LEFTY2: variants seen among roughly 807,000 people sequenced by gnomAD.
LEFTY2 encodes the protein TGF-beta-4.
In LEFTY2, 10 loss-of-function variants were observed where a neutral mutation model predicts 26.4. That is an observed-to-expected ratio of 0.38 (90% CI 0.23 to 0.64). LEFTY2 has a LOEUF of 0.64. Ranked by LOEUF, LEFTY2 falls within the 30% of genes least tolerant of loss-of-function variation. LEFTY2 has a pLI of 0.56. For missense variants in LEFTY2, 407 were observed against 502.1 expected (o/e 0.81, Z 1.81); for synonymous variants, 204 against 234.1 (o/e 0.87, Z 1.17).
Position 225,939,958 on chromosome 1 carries a change from G to C in LEFTY2, c.295C>G (p.Leu99Val). 1 of 1,595,210 alleles carries C rather than the reference G, an allele frequency of 6.3e-7. No individual in the cohort carries two copies. The highest frequency in any genetic ancestry group is 8.5e-7 in the Non-Finnish European group (1 of 1,179,454). Reference sequence around the variant, plus strand: ...AGCCGCTGCTCCATGCCGAACACCAGCAGGTGTGTGCTGGCCTCCGACGCC... The same window carrying C: ...AGCCGCTGCTCCATGCCGAACACCACCAGGTGTGTGCTGGCCTCCGACGCC... ...FLASEASTHL[L>V]VFGMEQRLPP... Residue 99 changes from leucine to valine, a missense_variant, in exon 2 of 4, where the codon CTG becomes GTG. Coordinates refer to ENST00000366820, the MANE Select transcript of LEFTY2 (RefSeq NM_003240.5). This position sits in a 1 kb window ranked among gnomAD's most constrained non-coding sequence, Gnocchi z 4.1.
chr1:225,939,708 G>T lies in LEFTY2; in HGVS notation c.497+48C>A, dbSNP rs1404215658. ...CCCCTGCGTCCCCGCCCCCAAGCCG[G>T]GCCGAGCAGCCTCCTACTCCTGCCC... is the stretch of plus-strand genomic sequence containing the variant. On this transcript the variant is annotated intron_variant, in intron 2 of 3. Coordinates refer to ENST00000366820, the MANE Select transcript of LEFTY2 (RefSeq NM_003240.5). The surrounding 1 kb of genome is among the most constrained non-coding windows in gnomAD (Gnocchi z 4.1). 1 of 1,607,464 alleles carries T rather than the reference G, an allele frequency of 6.2e-7. No individual in the cohort carries two copies. The highest frequency in any genetic ancestry group is 1.7e-5 in the Admixed American group (1 of 59,542).
In LEFTY2 at chr1:225,937,180, T is replaced by C. The variant is rs1177564434; in HGVS notation, c.*261A>G. On this transcript the variant is annotated 3_prime_UTR_variant, in exon 4 of 4. Transcript: ENST00000366820. ...ACAGAAACTCCCAGCTGAAAATGTG[T>C]GCATTGCTCAGCTGTATCTTGTAAT... 1 of 585,040 alleles carries C rather than the reference T, an allele frequency of 1.7e-6. No individual in the cohort carries two copies. Among genetic ancestry groups the C allele is most frequent in the African/African-American group, 1.9e-5 (1 of 53,576 alleles). The allele number at this position is 585,040 out of a possible 1,614,324, so 36.2% of individuals were successfully genotyped here.
rs746119741 is a variant in LEFTY2, at chr1:225,939,723, T to TA, written c.497+32dup. On this transcript the variant is annotated intron_variant, in intron 2 of 3. Transcript: ENST00000366820. This position sits in a 1 kb window ranked among gnomAD's most constrained non-coding sequence, Gnocchi z 4.1. ...CCCCAAGCCGGGCCGAGCAGCCTCC[T>TA]ACTCCTGCCCTGCGCGCCCGCGCGA... The TA allele has an allele frequency of 1.6e-5, 26 of 1,605,972 alleles. No homozygotes were observed. The Admixed American group carries it at 4.2e-4, about 26-fold the overall frequency.
In LEFTY2 at chr1:225,939,218, C is replaced by A. The variant is rs757708731; in HGVS notation, c.737+143G>T. Reference sequence around the variant, plus strand: ...GAAACCCTGACATGTAGTGGGCAATCGCTGGCATCCTGGGACAGTCTGCAC... The same window carrying A: ...GAAACCCTGACATGTAGTGGGCAATAGCTGGCATCCTGGGACAGTCTGCAC... On this transcript the variant is annotated intron_variant, in intron 3 of 3. Transcript: ENST00000366820. The surrounding 1 kb of genome is among the most constrained non-coding windows in gnomAD (Gnocchi z 4.1). The A allele has an allele frequency of 7.5e-7, 1 of 1,327,004 alleles. No homozygotes were observed. The highest frequency in any genetic ancestry group is 1.3e-5 in the South Asian group (1 of 76,520). 82.2% of individuals were successfully genotyped at this position (1,327,004 alleles called of 1,614,324 possible).
At position 225,939,953 on chromosome 1, in the gene LEFTY2, C is replaced by T. The variant is rs772171590; in HGVS notation, c.300G>A (p.Val100=). Residue 100 remains valine, a synonymous_variant, in exon 2 of 4, where the codon GTG becomes GTA. Coordinates refer to ENST00000366820, the MANE Select transcript of LEFTY2 (RefSeq NM_003240.5). This position sits in a 1 kb window ranked among gnomAD's most constrained non-coding sequence, Gnocchi z 4.1. The stretch of plus-strand genomic sequence containing the variant: ...GCGGCAGCCGCTGCTCCATGCCGAA[C>T]ACCAGCAGGTGTGTGCTGGCCTCCG... ...LASEASTHLL[V]FGMEQRLPPN... The T allele has an allele frequency of 3.8e-6, 6 of 1,594,852 alleles. No homozygotes were observed. Among genetic ancestry groups the T allele is most frequent in the Non-Finnish European group, 5.1e-6 (6 of 1,179,370 alleles).
rs1240986908 is a variant in LEFTY2 at position 225,939,719 on chromosome 1, C to T, written c.497+37G>A. The stretch of plus-strand genomic sequence containing the variant: ...CCGCCCCCAAGCCGGGCCGAGCAGC[C>T]TCCTACTCCTGCCCTGCGCGCCCGC... On this transcript the variant is annotated intron_variant, in intron 2 of 3. Transcript: ENST00000366820. The surrounding 1 kb of genome is among the most constrained non-coding windows in gnomAD (Gnocchi z 4.1). 3 of 1,606,630 alleles carry T rather than the reference C, an allele frequency of 1.9e-6. No homozygotes were observed. Among genetic ancestry groups the T allele is most frequent in the Non-Finnish European group, 1.7e-6 (2 of 1,177,880 alleles).
At position 225,937,635 on chromosome 1, in the gene LEFTY2, C is replaced by A; in HGVS notation, c.907G>T (p.Ala303Ser). 1.2e-6 allele frequency: 2 copies of A among 1,614,128 alleles called. No individual in the cohort carries two copies. Among genetic ancestry groups the A allele is most frequent in the Non-Finnish European group, 1.7e-6 (2 of 1,180,044 alleles). ...AGAAATGGCCAATTGAAGGCCAGGG[C>A]CTCCGGGGGCTGCTGGCAGGTGCCC... Reference protein sequence around the residue: ...CVGTCQQPPEALAFNWPFLGP... With the variant: ...CVGTCQQPPESLAFNWPFLGP... Residue 303 changes from alanine to serine, a missense_variant, in exon 4 of 4, where the codon GCC (alanine) becomes TCC (serine). Transcript: ENST00000366820.
rs556638667 is a variant in LEFTY2 at position 225,939,191 on chromosome 1, T to C, written c.737+170A>G. Among the ~76,000 whole-genome samples the C allele has an allele frequency of 6.6e-6, 1 of 152,274 alleles. No individual in the cohort carries two copies. Among genetic ancestry groups the C allele is most frequent in the South Asian group, 2.1e-4 (1 of 4,822 alleles). The stretch of plus-strand genomic sequence containing the variant: ...TGGCCAACAATACAATTTCTGCCAT[T>C]AGAAACCCTGACATGTAGTGGGCAA... On this transcript the variant is annotated intron_variant, in intron 3 of 3. Coordinates refer to ENST00000366820, the MANE Select transcript of LEFTY2 (RefSeq NM_003240.5). The surrounding 1 kb of genome is among the most constrained non-coding windows in gnomAD (Gnocchi z 4.1).
chr1:225,939,394 A>G lies in LEFTY2; in HGVS notation c.704T>C (p.Leu235Pro), dbSNP rs367724399. 5.0e-6 allele frequency: 8 copies of G among 1,613,506 alleles called. No homozygotes were observed. Among genetic ancestry groups the G allele is most frequent in the Non-Finnish European group, 6.8e-6 (8 of 1,179,820 alleles). Residue 235 changes from leucine (L) to proline (P), a missense_variant, in exon 3 of 4, where the codon CTG (leucine) becomes CCG (proline). Coordinates refer to ENST00000366820, the MANE Select transcript of LEFTY2 (RefSeq NM_003240.5). The surrounding 1 kb of genome is among the most constrained non-coding windows in gnomAD (Gnocchi z 4.1). ...GAPAGLGEPQ[L>P]ELHTLDLRDY... ...CCTGAGGTCCAGGGTGTGCAGCTCC[A>G]GCTGGGGCTCCCCAAGCCCGGCTGG...
rs2102683275 is a variant in LEFTY2 at position 225,939,800 on chromosome 1, G to A, written c.453C>T (p.Arg151=). 2 of 1,563,580 alleles carry A rather than the reference G, an allele frequency of 1.3e-6. No homozygotes were observed. Among genetic ancestry groups the A allele is most frequent in the Admixed American group, 1.9e-5 (1 of 52,768 alleles). ...TGCGGTTGGAGCCGTCGTCGCGGAC[G>A]CGCAGCCACTCGACGGTCACCCGGG... ...AQARVTVEWL[R]VRDDGSNRTS... Residue 151 remains arginine (R), a synonymous_variant, in exon 2 of 4, where the codon CGC becomes CGT. Coordinates refer to ENST00000366820, the MANE Select transcript of LEFTY2 (RefSeq NM_003240.5). This position sits in a 1 kb window ranked among gnomAD's most constrained non-coding sequence, Gnocchi z 4.1.
In LEFTY2 at chr1:225,937,673, G is replaced by A. The variant is rs968445961; in HGVS notation, c.869C>T (p.Ala290Val). The A allele has an allele frequency of 1.2e-5, 20 of 1,613,930 alleles. No homozygotes were observed. Among genetic ancestry groups the A allele is most frequent in the Non-Finnish European group, 1.7e-5 (20 of 1,179,944 alleles). The part of the protein sequence containing the change: ...NWVLEPPGFL[A>V]YECVGTCQQP... ...CTGGCAGGTGCCCACACACTCGTAA[G>A]CCAGGAAGCCCGGGGGCTCCAGCAC... The change falls in exon 4 of 4, where the codon GCT (alanine) becomes GTT (valine). Residue 290 changes from alanine (A) to valine (V), a missense_variant. Physicochemically the swap from Ala to Val is moderately conservative, Grantham distance 64. Coordinates refer to ENST00000366820, the MANE Select transcript of LEFTY2 (RefSeq NM_003240.5).
At chr1:225,938,902 C>G (rs1339092005) in intron 3 of LEFTY2, among the ~76,000 whole-genome samples, 2 of 126,910 alleles carry the variant, frequency 1.6e-5, no homozygotes, top group African/African-American at 6.0e-5. Context: ...GAATCACGCT[C>G]TGTCCTCCAG....
chr1:225,937,602 G>C lies in LEFTY2; in HGVS notation c.940C>G (p.Arg314Gly). 6.2e-7 allele frequency: 1 copy of C among 1,614,112 alleles called. No individual in the cohort carries two copies. Among genetic ancestry groups the C allele is most frequent in the Non-Finnish European group, 8.5e-7 (1 of 1,180,044 alleles). Residue 314 changes from arginine to glycine, a missense_variant, in exon 4 of 4, where the codon CGA becomes GGA. Coordinates refer to ENST00000366820, the MANE Select transcript of LEFTY2 (RefSeq NM_003240.5). ...LAFNWPFLGP[R>G]QCIASETASL... ...GCAGTCTCCGAGGCGATACACTGTC[G>C]CGGCCCCAGAAATGGCCAATTGAAG...
In LEFTY2 at chr1:225,937,854, C is replaced by T. The variant is rs367895949; in HGVS notation, c.738-50G>A. The T allele has an allele frequency of 2.6e-5, 41 of 1,587,440 alleles. No individual in the cohort carries two copies. In the Admixed American group the frequency reaches 2.9e-4, roughly 11 times the overall value. On this transcript the variant is annotated intron_variant, in intron 3 of 3. Transcript: ENST00000366820. Reference sequence around the variant, plus strand: ...CAGAGGTCATCTGGGAGGCTGAAGTCAGAAGGCCTGGGGCACAGCTTAGTG... The same window carrying T: ...CAGAGGTCATCTGGGAGGCTGAAGTTAGAAGGCCTGGGGCACAGCTTAGTG...
chr1:225,939,309 T>C lies in LEFTY2; in HGVS notation c.737+52A>G. 6.2e-7 allele frequency: 1 copy of C among 1,611,114 alleles called. No homozygotes were observed. The highest frequency in any genetic ancestry group is 1.1e-5 in the South Asian group (1 of 90,672). On this transcript the variant is annotated intron_variant, in intron 3 of 3. Transcript: ENST00000366820. This position sits in a 1 kb window ranked among gnomAD's most constrained non-coding sequence, Gnocchi z 4.1. ...CCCCAGACAGTCCTGGGGACGGGGG[T>C]CTGGACCACTCAGTGGCTGCTTGCC...
Position 225,939,907 on chromosome 1 carries a change from C to T in LEFTY2, c.346G>A (p.Ala116Thr), listed in dbSNP as rs1357809375. ...GGCTCCTGGAAGAGCCGCAGCACGG[C>T]CTGCACCAGCTCGCTGTTGGGCGGC... ...RLPPNSELVQ[A>T]VLRLFQEPVP... is the part of the protein sequence containing the mutation. Residue 116 changes from alanine to threonine, a missense_variant, in exon 2 of 4, where the codon GCC becomes ACC. Coordinates refer to ENST00000366820, the MANE Select transcript of LEFTY2 (RefSeq NM_003240.5). The surrounding 1 kb of genome is among the most constrained non-coding windows in gnomAD (Gnocchi z 4.1). The T allele has an allele frequency of 6.4e-7, 1 of 1,569,366 alleles. No homozygotes were observed. The highest frequency in any genetic ancestry group is 8.6e-7 in the Non-Finnish European group (1 of 1,166,714).
rs776013943 is a variant in LEFTY2 at position 225,937,531 on chromosome 1, C to T, written c.1011G>A (p.Arg337=). The T allele has an allele frequency of 1.4e-5, 22 of 1,613,898 alleles. 1 individual carries two copies. Among genetic ancestry groups the T allele is most frequent in the Admixed American group, 8.3e-5 (5 of 60,002 alleles). Residue 337 remains arginine (R), a synonymous_variant, in exon 4 of 4, where the codon AGG becomes AGA. Transcript: ENST00000366820. The stretch of plus-strand genomic sequence containing the variant: ...TGTTGGGCAGGCTGACCACCTGGGG[C>T]CTGGTCCTGCCTCCCTCCTTGATGC... ...IVSIKEGGRT[R]PQVVSLPNMR... is the part of the protein sequence containing the mutation.
rs889810672 is a variant in LEFTY2 at position 225,939,470 on chromosome 1, G to A, written c.628C>T (p.Pro210Ser). ...AGCTTGTGGGCGCCGGACGCCAGCG[G>A]GCCCAGATGCTCCCTCTGCACCGAC... ...QVSVQREHLGPLASGAHKLVR... is the reference protein window; with the variant it reads ...QVSVQREHLGSLASGAHKLVR... Residue 210 changes from proline (P) to serine (S), a missense_variant, in exon 3 of 4, where the codon CCG becomes TCG. Pro to Ser is a moderately conservative substitution (Grantham distance 74). Transcript: ENST00000366820. This position sits in a 1 kb window ranked among gnomAD's most constrained non-coding sequence, Gnocchi z 4.1. The A allele has an allele frequency of 3.1e-6, 5 of 1,610,716 alleles. No homozygotes were observed. Among genetic ancestry groups the A allele is most frequent in the Non-Finnish European group, 4.2e-6 (5 of 1,179,220 alleles).
chr1:225,937,867 G>C, intron 3 of LEFTY2, 63 bp from the exon 4 acceptor site: 1 of 1,564,866 alleles, frequency 6.4e-7, no homozygotes, highest in South Asian at 1.2e-5. Flanking sequence ...AAGGCCTGGG[G>C]CACAGCTTAG....
Sources: allele counts gnomAD v4.1 joint callset (sites outside exome capture counted in the v4.1 genomes callset), GRCh38; gene constraint gnomAD v4.1.1; non-coding constraint Gnocchi (gnomAD v3.1); transcripts MANE v1.5; gene names NCBI Gene and HGNC (gene_info 2026-07-23, HGNC 2026-07-21).